The following CTNNA2 variants were observed in gnomAD, a reference collection of about 807,000 sequenced individuals.
The protein encoded by CTNNA2 is catenin alpha 2.
In CTNNA2, 42 loss-of-function variants were observed where a neutral mutation model predicts 101.0. The ratio of observed to expected loss-of-function variants is 0.42; its 90% CI spans 0.32 to 0.54. CTNNA2 has a LOEUF of 0.54. CTNNA2 is among the 20% of genes least tolerant of loss of function. CTNNA2 has a pLI of 0.14. For synonymous variants in CTNNA2, 450 were observed against 456.4 expected (o/e 0.99, Z 0.18); for missense variants, 871 against 1,223.1 (o/e 0.71, Z 4.29).
At chr2:79,611,381 C>T (rs1331569000) in intron 1 of CTNNA2, among the ~76,000 whole-genome samples, 1 of 152,118 alleles carries the variant, frequency 6.6e-6, no homozygotes, top group African/African-American at 2.4e-5. Context: ...GGAAGCCAAC[C>T]TACCTGTGCA....
At chr2:79,302,951 A>C (rs1273347073) in intron 2 of CTNNA2, among the ~76,000 whole-genome samples, 1 of 152,206 alleles carries the variant, frequency 6.6e-6, no homozygotes, top group African/African-American at 2.4e-5. Flanking sequence ...ATAAAACATA[A>C]AGAGAAGTTA....
chr2:80,423,847 T>G (rs553176496), intron 9 of CTNNA2, among the ~76,000 whole-genome samples: 1 of 152,278 alleles, frequency 6.6e-6, no homozygotes, highest in African/African-American at 2.4e-5. Context: ...ATTTGAGTGG[T>G]TTGTATTTCC....
intron 3 of CTNNA2, among the ~76,000 whole-genome samples, chr2:79,798,508 GC>G (rs1267979627): frequency 1.3e-5 from 2 of 150,010 alleles, no homozygotes; most frequent in African/African-American, 4.9e-5. Flanking sequence ...AGGAGATGAA[GC>G]ACTGGAGTGA....
intron 4 of CTNNA2, among the ~76,000 whole-genome samples, chr2:79,458,565 C>G (rs6723256): frequency 0.049 from 7,393 of 152,152 alleles, 299 homozygotes; most frequent in East Asian, 0.12. Context: ...ATGTGGTTTT[C>G]TAGTTCACCC....
At chr2:80,264,115 A>G (rs1011525668) in intron 7 of CTNNA2, among the ~76,000 whole-genome samples, 5 of 152,214 alleles carry the variant, frequency 3.3e-5, no homozygotes, top group Non-Finnish European at 7.3e-5. Flanking sequence ...CATATCAATG[A>G]GAATCCCCTT....
intron 3 of CTNNA2, among the ~76,000 whole-genome samples, chr2:79,793,127 T>C (rs975073622): frequency 3.3e-5 from 5 of 152,084 alleles, no homozygotes; most frequent in African/African-American, 1.2e-4. Context: ...CATGGAGACA[T>C]TGAAATGGAA....
intron 3 of CTNNA2, among the ~76,000 whole-genome samples, chr2:79,354,238 A>C (rs182624769): frequency 7.2e-5 from 11 of 152,310 alleles, no homozygotes; most frequent in Middle Eastern, 3.4e-3. Flanking sequence ...AAGACTGGGA[A>C]ACATTTCATA....
At chr2:80,426,314 C>T (rs1057161355) in intron 9 of CTNNA2, among the ~76,000 whole-genome samples, 2 of 152,182 alleles carry the variant, frequency 1.3e-5, no homozygotes, top group African/African-American at 2.4e-5. Context: ...AAATATGCAT[C>T]GCCACAATGA....
intron 18 of CTNNA2, among the ~76,000 whole-genome samples, chr2:80,631,145 G>A (rs1166124246): frequency 6.6e-6 from 1 of 152,166 alleles, no homozygotes; most frequent in African/African-American, 2.4e-5. Flanking sequence ...GGGACTCTAA[G>A]ATAGCAATTG....
intron 7 of CTNNA2, among the ~76,000 whole-genome samples, chr2:80,392,552 G>C (rs1265722213): frequency 6.6e-6 from 1 of 152,036 alleles, no homozygotes; most frequent in Non-Finnish European, 1.5e-5. Flanking sequence ...AAACTTCCAA[G>C]TGAACAATTT....
At chr2:80,372,305 T>C (rs940460115) in intron 7 of CTNNA2, among the ~76,000 whole-genome samples, 2 of 152,058 alleles carry the variant, frequency 1.3e-5, no homozygotes, top group Admixed American at 6.6e-5. Context: ...CAAATTTACA[T>C]TATTTCAATA....
At chr2:79,362,060 C>T (rs1677643250) in intron 3 of CTNNA2, among the ~76,000 whole-genome samples, 1 of 152,132 alleles carries the variant, frequency 6.6e-6, no homozygotes. Context: ...TTAAAATTGC[C>T]TGTAGAATGC....
intron 7 of CTNNA2, among the ~76,000 whole-genome samples, chr2:80,040,397 T>C (rs982157995): frequency 6.6e-6 from 1 of 152,168 alleles, no homozygotes; most frequent in Non-Finnish European, 1.5e-5. Context: ...AGAGGTTCAG[T>C]GACTTTCTGA....
At chr2:79,603,558 CAT>C (rs75711412) in intron 1 of CTNNA2, among the ~76,000 whole-genome samples, 6,910 of 152,190 alleles carry the variant, frequency 0.045, 217 homozygotes, top group Non-Finnish European at 0.065. Context: ...GAAGCAATCT[CAT>C]AATTTAAAAA....
chr2:79,489,799 C>A (rs914131321), intron 4 of CTNNA2, among the ~76,000 whole-genome samples: 8 of 152,122 alleles, frequency 5.3e-5, no homozygotes, highest in African/African-American at 1.9e-4. Context: ...TAGGCAAAAT[C>A]ATTTTTCTGG....
chr2:79,718,798 A>C (rs1686277825), intron 2 of CTNNA2, among the ~76,000 whole-genome samples: 2 of 151,096 alleles, frequency 1.3e-5, no homozygotes, highest in Non-Finnish European at 2.9e-5. Context: ...TGTACAGCAA[A>C]TATTTAAGGC....
intron 2 of CTNNA2, among the ~76,000 whole-genome samples, chr2:79,716,703 C>T (rs1686130241): frequency 6.6e-6 from 1 of 152,064 alleles, no homozygotes; most frequent in African/African-American, 2.4e-5. Flanking sequence ...AATACACAAA[C>T]ATAGGATATT....
chr2:79,774,090 C>T lies in CTNNA2; in HGVS notation c.298+29508C>T, dbSNP rs1041506651. 5.9e-5 allele frequency among the ~76,000 whole-genome samples: 9 copies of T among 152,122 alleles called. No homozygotes were observed. In the South Asian group the frequency reaches 1.0e-3, roughly 18 times the overall value. On this transcript the variant is annotated intron_variant, in intron 3 of 18. Transcript: ENST00000402739. ...TCTGTGAACCTGTCTTAACATTTGC[C>T]TTAACTAACAAACTGGTTGTGGCAG...
chr2:80,619,190 G>A lies in CTNNA2; in HGVS notation c.2536G>A (p.Gly846Arg). 1 of 1,587,280 alleles carries A rather than the reference G, an allele frequency of 6.3e-7. No individual in the cohort carries two copies. The highest frequency in any genetic ancestry group is 1.2e-5 in the South Asian group (1 of 86,490). Reference protein sequence around the residue: ...LSTHLPTCAEGAPIGSGSSDS... With the variant: ...LSTHLPTCAERAPIGSGSSDS... ...TACCCACCTCCCAACCTGTGCTGAG[G>A]GAGCTCCGATCGGGAGTGGAAGCAG... Residue 846 changes from glycine to arginine, a missense_variant, in exon 18 of 19, where the codon GGA (glycine) becomes AGA (arginine). Around this residue, in one of 5 missense-constraint regions of CTNNA2, gnomAD observed 65 missense variants for 53.3 expected, o/e 1.22. Transcript: ENST00000402739.
Sources: allele counts gnomAD v4.1 joint callset (sites outside exome capture counted in the v4.1 genomes callset), GRCh38; gene constraint gnomAD v4.1.1; regional missense constraint gnomAD v4.1.1; transcripts MANE v1.5; gene names NCBI Gene and HGNC (gene_info 2026-07-23, HGNC 2026-07-21).